The following ST8SIA2 variants were observed in gnomAD, a reference collection of about 807,000 sequenced individuals.
The protein encoded by ST8SIA2 is ST8 alpha-N-acetyl-neuraminide alpha-2,8-sialyltransferase 2.
Under a neutral mutation model 37.6 loss-of-function variants are expected in ST8SIA2, and 22 were observed. The observed-to-expected ratio is 0.58, with a 90% CI of 0.42 to 0.83. ST8SIA2 has a LOEUF of 0.83. Ranked by LOEUF, ST8SIA2 falls within the 40% of genes least tolerant of loss-of-function variation. The pLI is 0.00. For synonymous variants in ST8SIA2, 205 were observed against 201.2 expected (o/e 1.02, Z -0.16); for missense variants, 382 against 484.7 (o/e 0.79, Z 1.99).
Position 92,409,042 on chromosome 15 carries a change from T to C in ST8SIA2, c.98+14880T>C, listed in dbSNP as rs564540406. Among the ~76,000 whole-genome samples, 97 of 152,300 alleles carry C rather than the reference T, an allele frequency of 6.4e-4. 1 individual carries two copies. Among genetic ancestry groups the C allele is most frequent in the African/African-American group, 2.1e-3 (88 of 41,560 alleles). Reference sequence around the variant, plus strand: ...TTTAGAGAAGACACCCACTTTCATTTTTGCCCCTCATTTCATGGGGAAAGA... The same window carrying C: ...TTTAGAGAAGACACCCACTTTCATTCTTGCCCCTCATTTCATGGGGAAAGA... On this transcript the variant is annotated intron_variant, in intron 1 of 5. Coordinates refer to ENST00000268164, the MANE Select transcript of ST8SIA2 (RefSeq NM_006011.4).
chr15:92,439,603 T>C (rs1212707262), intron 4 of ST8SIA2, among the ~76,000 whole-genome samples: 1 of 152,042 alleles, frequency 6.6e-6, no homozygotes, highest in Non-Finnish European at 1.5e-5. Context: ...TATTGTAGAG[T>C]TCCCTAAACC....
chr15:92,459,447 T>A (rs1012484368), intron 5 of ST8SIA2, among the ~76,000 whole-genome samples: 4 of 152,186 alleles, frequency 2.6e-5, no homozygotes, highest in Non-Finnish European at 5.9e-5. Context: ...AACCAGCTGT[T>A]TGAGAAGCTT....
At chr15:92,407,551 C>T (rs1032899471) in intron 1 of ST8SIA2, among the ~76,000 whole-genome samples, 6 of 152,232 alleles carry the variant, frequency 3.9e-5, no homozygotes, top group African/African-American at 1.4e-4. Context: ...TTGGCGTATG[C>T]AGTCACAGTT....
intron 5 of ST8SIA2, among the ~76,000 whole-genome samples, chr15:92,459,761 A>C (rs2049944749): frequency 6.6e-6 from 1 of 152,074 alleles, no homozygotes; most frequent in Non-Finnish European, 1.5e-5. Flanking sequence ...TCCACGCCCA[A>C]CTAATTTTTG....
chr15:92,414,564 T>C (rs1410657243), intron 1 of ST8SIA2, among the ~76,000 whole-genome samples: 2 of 152,194 alleles, frequency 1.3e-5, no homozygotes, highest in Non-Finnish European at 2.9e-5. Flanking sequence ...TCTAAGTCAG[T>C]TGGAGGAAGA....
intron 5 of ST8SIA2, 28 bp downstream of exon 5, chr15:92,444,957 G>A: frequency 6.2e-7 from 1 of 1,604,572 alleles, no homozygotes; most frequent in Non-Finnish European, 8.5e-7. Context: ...AGGCCAGTAG[G>A]ACCGTCACTA....
Position 92,393,998 on chromosome 15 carries a change from C to T in ST8SIA2, c.-67C>T. On this transcript the variant is annotated 5_prime_UTR_variant, in exon 1 of 6. Transcript: ENST00000268164. ...CGGCGCGCGGAGGCTCCGGCGTCCG[C>T]CGCTGCGCCCTCCGGCCCCTGCTCC... 7.7e-7 allele frequency: 1 copy of T among 1,293,088 alleles called. No homozygotes were observed. The highest frequency in any genetic ancestry group is 1.0e-6 in the Non-Finnish European group (1 of 956,458). The allele number at this position is 1,293,088 out of a possible 1,614,324, so 80.1% of individuals were successfully genotyped here.
At chr15:92,463,204 A>G (rs1286950823) in intron 5 of ST8SIA2, among the ~76,000 whole-genome samples, 1 of 152,226 alleles carries the variant, frequency 6.6e-6, no homozygotes, top group Non-Finnish European at 1.5e-5. Context: ...ATTCTTGGCT[A>G]AGGTGCACCC....
At chr15:92,405,644 C>T (rs557688209) in intron 1 of ST8SIA2, among the ~76,000 whole-genome samples, 1 of 152,050 alleles carries the variant, frequency 6.6e-6, no homozygotes, top group East Asian at 1.9e-4. Context: ...TAATACAGGA[C>T]CAAAAAGCAG....
Position 92,421,940 on chromosome 15 carries a change from G to A in ST8SIA2, c.99-8109G>A, listed in dbSNP as rs193276360. Among the ~76,000 whole-genome samples, 3 of 152,260 alleles carry A rather than the reference G, an allele frequency of 2.0e-5. No individual in the cohort carries two copies. The East Asian group carries it at 5.8e-4, about 29-fold the overall frequency. On this transcript the variant is annotated intron_variant, in intron 1 of 5. Coordinates refer to ENST00000268164, the MANE Select transcript of ST8SIA2 (RefSeq NM_006011.4). ...AAAATTACATTATTCTCATTACCAG[G>A]CCTAGTGAAGTTTTTTATGACAAAA...
intron 5 of ST8SIA2, among the ~76,000 whole-genome samples, chr15:92,461,051 G>T (rs550701432): frequency 1.3e-5 from 2 of 152,332 alleles, no homozygotes; most frequent in South Asian, 2.1e-4. Context: ...AAAGGGGCAT[G>T]AAATGGGCCT....
intron 1 of ST8SIA2, among the ~76,000 whole-genome samples, chr15:92,421,524 G>A (rs1210235099): frequency 1.3e-5 from 2 of 152,176 alleles, no homozygotes; most frequent in East Asian, 1.9e-4. Context: ...ATTAGCTCAT[G>A]TGATCTTTAC....
Position 92,443,089 on chromosome 15 carries a change from C to A in ST8SIA2, c.549-1547C>A, listed in dbSNP as rs530840286. Among the ~76,000 whole-genome samples, 5 of 152,186 alleles carry A rather than the reference C, an allele frequency of 3.3e-5. No homozygotes were observed. In the East Asian group the frequency reaches 9.6e-4, roughly 29 times the overall value. On this transcript the variant is annotated intron_variant, in intron 4 of 5. Transcript: ENST00000268164. Reference sequence around the variant, plus strand: ...CTTTCTGATTAACCCACTTTTTCTCCCCAGTTGTTGAAAAAGGAAAGTCCT... The same window carrying A: ...CTTTCTGATTAACCCACTTTTTCTCACCAGTTGTTGAAAAAGGAAAGTCCT...
chr15:92,468,431 C>G lies in ST8SIA2; in HGVS notation c.*4046C>G, dbSNP rs985240257. The G allele has an allele frequency of 6.5e-6, 1 of 152,748 alleles. No individual in the cohort carries two copies. The highest frequency in any genetic ancestry group is 2.1e-4 in the South Asian group (1 of 4,832). 9.5% of individuals were successfully genotyped at this position (152,748 alleles called of 1,614,324 possible). A position where few individuals can be genotyped will look rare whatever the true frequency, so the allele number is the denominator to read the frequency against. On this transcript the variant is annotated 3_prime_UTR_variant, in exon 6 of 6. Transcript: ENST00000268164. ...ATCCCCTGGAATGCTCCCTTTTCTT[C>G]CCTTCAAAGCCCATGCGGAAACCAC...
intron 4 of ST8SIA2, among the ~76,000 whole-genome samples, chr15:92,441,531 G>C (rs371170810): frequency 4.0e-5 from 6 of 151,496 alleles, no homozygotes; most frequent in Non-Finnish European, 7.4e-5. Context: ...CGTGTGTGCA[G>C]AGTATAAGTT....
At chr15:92,454,589 G>A (rs1305014049) in intron 5 of ST8SIA2, among the ~76,000 whole-genome samples, 1 of 151,982 alleles carries the variant, frequency 6.6e-6, no homozygotes, top group African/African-American at 2.4e-5. Context: ...CTGCCCATCT[G>A]AGGCAGTGAG....
intron 1 of ST8SIA2, among the ~76,000 whole-genome samples, chr15:92,396,700 G>A (rs564530624): frequency 6.6e-6 from 1 of 152,178 alleles, no homozygotes; most frequent in South Asian, 2.1e-4. Flanking sequence ...CACCATGTTG[G>A]CCAGGCTGGT....
chr15:92,456,661 G>C (rs1302965984), intron 5 of ST8SIA2, among the ~76,000 whole-genome samples: 1 of 152,186 alleles, frequency 6.6e-6, no homozygotes. Flanking sequence ...GGACCACATA[G>C]GACGTGTCAT....
chr15:92,404,101 G>C (rs1422486123), intron 1 of ST8SIA2, among the ~76,000 whole-genome samples: 1 of 152,194 alleles, frequency 6.6e-6, no homozygotes, highest in African/African-American at 2.4e-5. Context: ...ATGCCAGAAT[G>C]GCTCACTTAG....
Sources: gnomAD v4.1 joint callset for allele counts (sites outside exome capture counted in the v4.1 genomes callset) on GRCh38, gnomAD v4.1.1 for gene constraint, MANE v1.5 for transcripts, NCBI Gene and HGNC (gene_info 2026-07-23, HGNC 2026-07-21) for gene names.